ZFPM2: variants seen among roughly 807,000 people sequenced by gnomAD.
The protein encoded by ZFPM2 is zinc finger protein ZFPM2.
In ZFPM2, 20 loss-of-function variants were observed where a neutral mutation model predicts 98.6. The observed-to-expected ratio is 0.20, with a 90% CI of 0.14 to 0.29. The LOEUF is 0.29. ZFPM2 is among the 10% of genes least tolerant of loss of function. ZFPM2 has a pLI of 1.00. For missense variants in ZFPM2, 1,310 were observed against 1,388.6 expected (o/e 0.94, Z 0.90); for synonymous variants, 518 against 502.7 (o/e 1.03, Z -0.41).
rs201703995 is a variant in ZFPM2, at chr8:105,435,625, AGAGTACC to A, written c.200-8652_200-8646del. On this transcript the variant is annotated intron_variant, in intron 2 of 7. Transcript: ENST00000407775. ...CATTCCAATTTTCCTAAGCTACTCT[AGAGTACC>A]GATTTCAAACATAGAATCAAAAATG... Among the ~76,000 whole-genome samples the A allele has an allele frequency of 4.2e-3, 634 of 152,216 alleles. 6 individuals carry two copies. The highest frequency in any genetic ancestry group is 0.014 in the African/African-American group (581 of 41,532).
chr8:105,318,937 C>A lies in ZFPM2; in HGVS notation c.-5C>A. The A allele has an allele frequency of 6.9e-7, 1 of 1,439,934 alleles. No individual in the cohort carries two copies. Among genetic ancestry groups the A allele is most frequent in the Non-Finnish European group, 9.2e-7 (1 of 1,084,204 alleles). The allele number at this position is 1,439,934 out of a possible 1,614,324, so 89.2% of individuals were successfully genotyped here. On this transcript the variant is annotated 5_prime_UTR_variant, in exon 1 of 8. Transcript: ENST00000407775. ...GGAGCCCCAGCGGCAGCAGCCGCCG[C>A]CGAGATGTCCCGGCGAAAGCAAAGC...
intron 5 of ZFPM2, among the ~76,000 whole-genome samples, chr8:105,641,532 C>T (rs1456496442): frequency 1.3e-5 from 2 of 151,938 alleles, no homozygotes; most frequent in African/African-American, 4.8e-5. Context: ...ACAAGTGACC[C>T]CACTAGTGAC....
intron 4 of ZFPM2, among the ~76,000 whole-genome samples, chr8:105,570,625 C>T (rs1268311921): frequency 6.6e-6 from 1 of 152,190 alleles, no homozygotes; most frequent in Non-Finnish European, 1.5e-5. Flanking sequence ...ATAATTTTTA[C>T]TTGCCTCCAA....
chr8:105,521,820 G>A (rs1270019931), intron 3 of ZFPM2, among the ~76,000 whole-genome samples: 10 of 152,046 alleles, frequency 6.6e-5, no homozygotes, highest in African/African-American at 2.4e-4. Context: ...CAGGTGATCC[G>A]CCCACCTCGG....
chr8:105,386,960 C>T (rs1372827490), intron 1 of ZFPM2, among the ~76,000 whole-genome samples: 1 of 152,178 alleles, frequency 6.6e-6, no homozygotes, highest in African/African-American at 2.4e-5. Context: ...GGTGCATTCA[C>T]AAACTCTGAG....
At chr8:105,563,102 A>G (rs771882887) in intron 4 of ZFPM2, among the ~76,000 whole-genome samples, 29 of 152,252 alleles carry the variant, frequency 1.9e-4, no homozygotes, top group Non-Finnish European at 3.2e-4. Flanking sequence ...CTTTTAAATG[A>G]CCCTATCTAT....
At chr8:105,485,789 A>G (rs1813219848) in intron 3 of ZFPM2, among the ~76,000 whole-genome samples, 4 of 152,160 alleles carry the variant, frequency 2.6e-5, no homozygotes, top group Non-Finnish European at 1.5e-5. Context: ...GAACTTTGAT[A>G]GTTAAGGAAG....
At chr8:105,431,549 A>C (rs1223493127) in intron 2 of ZFPM2, among the ~76,000 whole-genome samples, 1 of 152,166 alleles carries the variant, frequency 6.6e-6, no homozygotes, top group Admixed American at 6.5e-5. Context: ...GGCAGACATT[A>C]ATAAAATAAT....
intron 3 of ZFPM2, among the ~76,000 whole-genome samples, chr8:105,469,724 T>A (rs1290284788): frequency 6.6e-6 from 1 of 152,228 alleles, no homozygotes; most frequent in Non-Finnish European, 1.5e-5. Flanking sequence ...CCAGTAAGTT[T>A]TAAAAATTTT....
rs1817325836 is a variant in ZFPM2, at chr8:105,658,411, A to G, written c.532+24054A>G. ...AGACCATCCTGGCTAACACGGTGAA[A>G]CCCCGTCTCTACTAAAAATACAAAA... On this transcript the variant is annotated intron_variant, in intron 5 of 7. Transcript: ENST00000407775. 3.4e-5 allele frequency among the ~76,000 whole-genome samples: 2 copies of G among 58,754 alleles called. 1 individual carries two copies. Among genetic ancestry groups the G allele is most frequent in the African/African-American group, 1.7e-4 (2 of 12,064 alleles). 38.5% of individuals were successfully genotyped at this position (58,754 alleles called of 152,430 possible).
At chr8:105,668,119 C>G (rs1817523087) in intron 5 of ZFPM2, among the ~76,000 whole-genome samples, 1 of 152,190 alleles carries the variant, frequency 6.6e-6, no homozygotes, top group Non-Finnish European at 1.5e-5. Flanking sequence ...GCTTCAAGCC[C>G]TAGACAGATA....
intron 1 of ZFPM2, among the ~76,000 whole-genome samples, chr8:105,412,563 CTTCTGGCAGACAAGAGAAAA>C (rs765642351): frequency 2.6e-5 from 4 of 151,748 alleles, no homozygotes; most frequent in African/African-American, 4.8e-5. Flanking sequence ...AATCAACATT[CTTCTGGCAGACAAGAGAAAA>C]ATTAATAAAA....
rs1812784330 is a variant in ZFPM2, at chr8:105,763,534, A to C, written c.533-25184A>C. ...ATAATTATGAGAAGAGAGTAGAACT[A>C]ACATTTTTGAAGTGACTATTCTGTG... On this transcript the variant is annotated intron_variant, in intron 5 of 7. Coordinates refer to ENST00000407775, the MANE Select transcript of ZFPM2 (RefSeq NM_012082.4). Among the ~76,000 whole-genome samples, 3 of 151,858 alleles carry C rather than the reference A, an allele frequency of 2.0e-5. No individual in the cohort carries two copies. The Admixed American group carries it at 2.0e-4, about 10-fold the overall frequency.
At chr8:105,549,032 G>A (rs527988836) in intron 3 of ZFPM2, among the ~76,000 whole-genome samples, 3 of 152,226 alleles carry the variant, frequency 2.0e-5, no homozygotes, top group South Asian at 4.2e-4. Context: ...GGCTATTGTA[G>A]GTCTATTGAT....
intron 1 of ZFPM2, among the ~76,000 whole-genome samples, chr8:105,355,298 T>A (rs1169981477): frequency 2.6e-5 from 4 of 152,240 alleles, no homozygotes; most frequent in African/African-American, 9.6e-5. Flanking sequence ...TCATTTTTCA[T>A]TCTTATTCTC....
At chr8:105,772,919 T>G (rs570046706) in intron 5 of ZFPM2, among the ~76,000 whole-genome samples, 8 of 152,266 alleles carry the variant, frequency 5.3e-5, no homozygotes, top group African/African-American at 1.9e-4. Context: ...CTTTGTTATC[T>G]TGACATGGGC....
At chr8:105,587,849 G>A (rs1815756425) in intron 4 of ZFPM2, among the ~76,000 whole-genome samples, 1 of 152,074 alleles carries the variant, frequency 6.6e-6, no homozygotes, top group Admixed American at 6.5e-5. Flanking sequence ...CCTACTAGAT[G>A]CCAGTAGCAT....
At chr8:105,411,148 T>C (rs925023901) in intron 1 of ZFPM2, among the ~76,000 whole-genome samples, 5 of 151,890 alleles carry the variant, frequency 3.3e-5, no homozygotes, top group African/African-American at 1.2e-4. Context: ...ATAATTAACT[T>C]CAATTGAAAA....
chr8:105,661,941 G>A (rs1332581858), intron 5 of ZFPM2, among the ~76,000 whole-genome samples: 2 of 151,972 alleles, frequency 1.3e-5, no homozygotes, highest in East Asian at 3.9e-4. Context: ...CCACTCCGGA[G>A]AGGCTTGTTG....
Sources: allele counts gnomAD v4.1 joint callset (sites outside exome capture counted in the v4.1 genomes callset), GRCh38; gene constraint gnomAD v4.1.1; transcripts MANE v1.5; gene names NCBI Gene and HGNC (gene_info 2026-07-23, HGNC 2026-07-21).